Variants in RDH13 observed in about 807,000 individuals in gnomAD.
RDH13 encodes retinol dehydrogenase 13 (all-trans and 9-cis).
In RDH13, 35 loss-of-function variants were observed where a neutral mutation model predicts 28.3. The observed-to-expected ratio is 1.24, with a 90% confidence interval of 0.95 to 1.64. The LOEUF (loss-of-function observed/expected upper bound fraction) is 1.64. RDH13 is among the 40% of genes most tolerant of loss of function. The probability of loss-of-function intolerance (pLI) is 0.00; values close to 1 mark genes in which losing one functional copy is unlikely to be tolerated. For missense variants in RDH13, 514 were observed against 446.3 expected, an observed-to-expected ratio of 1.15 and a Z score of -1.37; for synonymous variants, 229 against 198.5, an observed-to-expected ratio of 1.15 and a Z score of -1.29.
chr19:55,067,815 C>T (rs950289051), upstream of RDH13: 12 of 152,362 alleles, frequency 7.9e-5, no homozygotes, highest in Admixed American at 7.2e-4. Context: ...CCATTCCTCC[C>T]TTCCAGCTCA....
intron 6 of RDH13, 80 bp from the exon 7 acceptor site, chr19:55,045,389 C>A: frequency 8.7e-7 from 1 of 1,155,748 alleles, no homozygotes. Flanking sequence ...TCAGGGAGCT[C>A]CGGGTCCCTG....
intron 1 of RDH13, among the ~76,000 whole-genome samples, chr19:55,061,523 C>G (rs148895993): frequency 6.6e-6 from 1 of 152,016 alleles, no homozygotes; most frequent in Non-Finnish European, 1.5e-5. Flanking sequence ...CGGCACAGTG[C>G]CTCACACCTG....
Position 55,053,555 on chromosome 19 carries a change from G to A in RDH13, c.340+3098C>T, listed in dbSNP as rs2075529760. ...CCTGTAGTCCCCCGCCACTCGGGAGGCTGAGGCAGGAGAATGGCATGAACC... is the reference window on the plus strand; with the variant it reads ...CCTGTAGTCCCCCGCCACTCGGGAGACTGAGGCAGGAGAATGGCATGAACC... On this transcript the variant is annotated intron_variant, in intron 3 of 6. Coordinates refer to ENST00000415061, the MANE Select transcript of RDH13 (RefSeq NM_001145971.2). Among the ~76,000 whole-genome samples, 4 of 152,004 alleles carry A rather than the reference G, an allele frequency of 2.6e-5. No homozygotes were observed. In the South Asian group the frequency reaches 8.3e-4, roughly 31 times the overall value.
chr19:55,054,878 G>A (rs1568714074), intron 3 of RDH13, among the ~76,000 whole-genome samples: 1 of 152,024 alleles, frequency 6.6e-6, no homozygotes, highest in Non-Finnish European at 1.5e-5. Flanking sequence ...TTGAGGTAAT[G>A]CATATGTTAA....
At chr19:55,069,408 G>C (rs1394083844) in exon 1 of RDH13, 5 of 152,308 alleles carry the variant, frequency 3.3e-5, no homozygotes, top group African/African-American at 4.8e-5. Context: ...AGAGCTGCCT[G>C]TGTTTTCCTT....
At chr19:55,060,539 C>A (rs1250061145) in intron 1 of RDH13, among the ~76,000 whole-genome samples, 1 of 152,172 alleles carries the variant, frequency 6.6e-6, no homozygotes, top group Non-Finnish European at 1.5e-5. Flanking sequence ...AACTCAGAGG[C>A]CGGTGCCGGT....
chr19:55,049,342 GCCA>G (rs2075353020), intron 3 of RDH13, among the ~76,000 whole-genome samples: 1 of 152,156 alleles, frequency 6.6e-6, no homozygotes, highest in African/African-American at 2.4e-5. Context: ...TCCCAAACCT[GCCA>G]CCTCACTCAT....
intron 6 of RDH13, among the ~76,000 whole-genome samples, chr19:55,045,934 A>G (rs2075212162): frequency 7.8e-6 from 1 of 128,056 alleles, no homozygotes; most frequent in African/African-American, 3.1e-5. Flanking sequence ...TGACAATAGC[A>G]AGACTTCGTC....
chr19:55,055,421 G>A (rs1280369828), intron 3 of RDH13, among the ~76,000 whole-genome samples: 2 of 151,968 alleles, frequency 1.3e-5, no homozygotes, highest in African/African-American at 4.8e-5. Context: ...CCAAAGTGCT[G>A]GGATTAACAG....
chr19:55,062,731 A>G (rs1040941757), intron 1 of RDH13, among the ~76,000 whole-genome samples: 1 of 152,270 alleles, frequency 6.6e-6, no homozygotes, highest in African/African-American at 2.4e-5. Context: ...AAAGAGTTTA[A>G]AAGTCTGGAA....
chr19:55,060,986 T>C (rs1327182467), intron 1 of RDH13, among the ~76,000 whole-genome samples: 2 of 152,098 alleles, frequency 1.3e-5, no homozygotes, highest in African/African-American at 4.8e-5. Flanking sequence ...AATCAAGGTA[T>C]TGGTAGAGTC....
upstream of RDH13, chr19:55,063,202 G>A (rs914728130): frequency 6.2e-6 from 3 of 485,090 alleles, no homozygotes; most frequent in Admixed American, 8.9e-5. Context: ...GGGCGCGGGC[G>A]GAGGGGGCGG....
At chr19:55,068,068 CTCTT>C (rs2075991444), upstream of RDH13, among the ~76,000 whole-genome samples, 2 of 141,404 alleles carry the variant, frequency 1.4e-5, no homozygotes, top group Admixed American at 1.5e-4. Flanking sequence ...TCCCCCATCT[CTCTT>C]TCTCTCCCCC....
At chr19:55,047,028 A>G in intron 6 of RDH13, 1 of 747,892 alleles carries the variant, frequency 1.3e-6, no homozygotes, top group Non-Finnish European at 1.8e-6. Flanking sequence ...TGCACTCTGC[A>G]GATGAAGAAA....
At chr19:55,063,835 T>C (rs1314661240), upstream of RDH13, 2 of 152,590 alleles carry the variant, frequency 1.3e-5, no homozygotes, top group Non-Finnish European at 2.9e-5. Context: ...CTTTCTTAGA[T>C]TGAGTATTGC....
rs2075280730 is a variant in RDH13 at position 55,047,558 on chromosome 19, C to T, written c.659-70G>A. 11 of 1,527,214 alleles carry T rather than the reference C, an allele frequency of 7.2e-6. No individual in the cohort carries two copies. In the South Asian group the frequency reaches 9.6e-5, roughly 13 times the overall value. 94.6% of individuals were successfully genotyped at this position (1,527,214 alleles called of 1,614,324 possible). ...ACCTGGGAGGCTGTGGCAGCCCACA[C>T]CCAGCTGTGGGGCTTCCGGGCACCA... On this transcript the variant is annotated intron_variant, in intron 5 of 6. Transcript: ENST00000415061.
At chr19:55,049,298 G>A (rs1027942900) in intron 3 of RDH13, among the ~76,000 whole-genome samples, 3 of 152,128 alleles carry the variant, frequency 2.0e-5, no homozygotes, top group African/African-American at 4.8e-5. Flanking sequence ...GGAGGTTACC[G>A]GTGGGAGCCC....
At chr19:55,051,073 A>AAGTATTG (rs2075416329) in intron 3 of RDH13, 3 of 151,072 alleles carry the variant, frequency 2.0e-5, no homozygotes. Flanking sequence ...TTACTCATTC[A>AAGTATTG]GTAAGTATTT....
At chr19:55,056,537 A>T in intron 3 of RDH13, 116 bp downstream of exon 3, 1 of 1,343,502 alleles carries the variant, frequency 7.4e-7, no homozygotes, top group Non-Finnish European at 1.0e-6. Flanking sequence ...TTGGCCCCTA[A>T]CTCATAGTTT....
Sources: allele counts gnomAD v4.1 joint callset (sites outside exome capture counted in the v4.1 genomes callset), GRCh38; gene constraint gnomAD v4.1.1; transcripts MANE v1.5; gene names NCBI Gene and HGNC (gene_info 2026-07-23, HGNC 2026-07-21).